Variants in ST6GAL1 observed in about 807,000 individuals in gnomAD.
ST6GAL1 encodes the protein ST6 beta-galactoside alpha-2,6-sialyltransferase 1, also known as beta-galactoside alpha-2,6-sialyltransferase 1.
A neutral mutation model predicts 38.0 loss-of-function variants in ST6GAL1; 20 were observed. The ratio of observed to expected loss-of-function variants is 0.53; its 90% confidence interval spans 0.37 to 0.77. The LOEUF (loss-of-function observed/expected upper bound fraction) is 0.77, where lower values mean the gene tolerates loss of function less well. Among genes scored for constraint, ST6GAL1 ranks in the 30% least tolerant of loss-of-function variants. The pLI is 0.00. For synonymous variants in ST6GAL1, 196 were observed against 188.2 expected, an observed-to-expected ratio of 1.04 and a Z score of -0.34; for missense variants, 432 against 496.4, an observed-to-expected ratio of 0.87 and a Z score of 1.23.
chr3:186,986,958 G>T (rs56345352), intron 2 of ST6GAL1, among the ~76,000 whole-genome samples: 41,501 of 121,530 alleles, frequency 0.34, 6,262 homozygotes, highest in Middle Eastern at 0.49. Context: ...AGAACCAAAG[G>T]TTTTCTTTCT....
intron 2 of ST6GAL1, among the ~76,000 whole-genome samples, chr3:186,969,463 T>G (rs1456202033): frequency 2.6e-5 from 4 of 152,258 alleles, no homozygotes; most frequent in Non-Finnish European, 4.4e-5. Context: ...GTTTGCCACC[T>G]GGATGGCTCC....
intron 5 of ST6GAL1, among the ~76,000 whole-genome samples, chr3:187,053,012 T>G (rs1718568850): frequency 6.6e-6 from 1 of 152,254 alleles, no homozygotes; most frequent in African/African-American, 2.4e-5. Flanking sequence ...AGATGGTATC[T>G]CATTATGGTT....
chr3:187,075,647 C>G lies in ST6GAL1; in HGVS notation c.1065C>G (p.Tyr355Ter). Residue 355 changes from tyrosine to a stop codon, truncating the protein, a stop_gained, in exon 8 of 8, where the codon TAC (tyrosine) becomes TAG (stop). Coordinates refer to ENST00000169298, the MANE Select transcript of ST6GAL1 (RefSeq NM_173216.2). LOFTEE classifies it high-confidence loss of function. The surrounding 1 kb of genome is among the most constrained non-coding windows in gnomAD (Gnocchi z 4.1). Reference protein sequence around the residue: ...PSKRKTDVCYYYQKFFDSACT... With the variant: ...PSKRKTDVCY ...AGCGCAAGACTGACGTGTGCTACTA[C>G]TACCAGAAGTTCTTCGATAGTGCCT... 1 of 1,614,228 alleles carries G rather than the reference C, an allele frequency of 6.2e-7. No individual in the cohort carries two copies.
In ST6GAL1 at chr3:187,075,920, T is replaced by C. The variant is rs1719545937; in HGVS notation, c.*117T>C. On this transcript the variant is annotated 3_prime_UTR_variant, in exon 8 of 8. Coordinates refer to ENST00000169298, the MANE Select transcript of ST6GAL1 (RefSeq NM_173216.2). The surrounding 1 kb of genome is among the most constrained non-coding windows in gnomAD (Gnocchi z 4.1). ...GCCTGCTCCTTTTACTCTAGGGGCC[T>C]CTGTCAGCAAGACCATGGGGACTTC... 1 of 1,460,714 alleles carries C rather than the reference T, an allele frequency of 6.8e-7. No homozygotes were observed. The highest frequency in any genetic ancestry group is 1.4e-5 in the African/African-American group (1 of 71,140). 90.5% of individuals were successfully genotyped at this position (1,460,714 alleles called of 1,614,324 possible).
At chr3:186,955,051 A>T (rs546790735) in intron 1 of ST6GAL1, among the ~76,000 whole-genome samples, 2 of 152,282 alleles carry the variant, frequency 1.3e-5, no homozygotes, top group East Asian at 3.9e-4. Context: ...CTGTGTATGG[A>T]TAGCCAATTT....
chr3:186,936,671 C>T (rs13064443), intron 1 of ST6GAL1, among the ~76,000 whole-genome samples: 33,455 of 152,020 alleles, frequency 0.22, 4,237 homozygotes, highest in African/African-American at 0.35. Flanking sequence ...CTGGGCACAG[C>T]GGCTCATGCC....
chr3:187,009,833 G>A lies in ST6GAL1; in HGVS notation c.-182-28909G>A, dbSNP rs528775019. Among the ~76,000 whole-genome samples the A allele has an allele frequency of 1.2e-4, 18 of 151,962 alleles. No individual in the cohort carries two copies. The East Asian group carries it at 2.7e-3, about 23-fold the overall frequency. On this transcript the variant is annotated intron_variant, in intron 2 of 7. Coordinates refer to ENST00000169298, the MANE Select transcript of ST6GAL1 (RefSeq NM_173216.2). The stretch of plus-strand genomic sequence containing the variant: ...ACCCTGGCCAAGATGCTGAAACCCC[G>A]TCTCTACTAAAAAATACAATAATTA...
intron 4 of ST6GAL1, among the ~76,000 whole-genome samples, chr3:187,049,956 G>GTT (rs1259585948): frequency 6.6e-6 from 1 of 152,210 alleles, no homozygotes; most frequent in East Asian, 1.9e-4. Flanking sequence ...GATGATAACA[G>GTT]TTTGGACTGT....
intron 2 of ST6GAL1, among the ~76,000 whole-genome samples, chr3:186,987,310 A>C (rs894556633): frequency 2.0e-5 from 3 of 152,172 alleles, no homozygotes; most frequent in Admixed American, 6.5e-5. Context: ...TGTCCCTGGA[A>C]CTACGCTAGG....
chr3:187,067,181 G>T (rs1440407855), intron 5 of ST6GAL1, among the ~76,000 whole-genome samples: 1 of 147,000 alleles, frequency 6.8e-6, no homozygotes, highest in African/African-American at 2.5e-5. Flanking sequence ...CTGCCTCCGG[G>T]GTTCAAGCGA....
chr3:187,029,781 C>T (rs1480728091), intron 2 of ST6GAL1, among the ~76,000 whole-genome samples: 1 of 152,078 alleles, frequency 6.6e-6, no homozygotes, highest in African/African-American at 2.4e-5. Context: ...CATGTGTGAT[C>T]AAAGAGGGCA....
chr3:186,997,195 T>C (rs572851099), intron 2 of ST6GAL1, among the ~76,000 whole-genome samples: 1 of 152,278 alleles, frequency 6.6e-6, no homozygotes, highest in African/African-American at 2.4e-5. Context: ...GTTACGCTAC[T>C]TCCTCCTGAC....
intron 1 of ST6GAL1, among the ~76,000 whole-genome samples, chr3:186,943,766 G>C (rs76334097): frequency 0.024 from 3,719 of 152,332 alleles, 73 homozygotes; most frequent in Middle Eastern, 0.048. Flanking sequence ...CAGATTAATA[G>C]GCGAGGAAAC....
chr3:187,066,254 A>G (rs1048353476), intron 5 of ST6GAL1, among the ~76,000 whole-genome samples: 1 of 152,136 alleles, frequency 6.6e-6, no homozygotes, highest in Non-Finnish European at 1.5e-5. Context: ...GCCAGCAGAC[A>G]CAGTCTCAGT....
At chr3:186,932,312 G>A (rs1223017661) in intron 1 of ST6GAL1, among the ~76,000 whole-genome samples, 1 of 152,104 alleles carries the variant, frequency 6.6e-6, no homozygotes, top group African/African-American at 2.4e-5. Context: ...ACTTGAGTGT[G>A]GGTCTCCCAA....
chr3:187,056,037 A>G (rs1043162209), intron 5 of ST6GAL1, among the ~76,000 whole-genome samples: 2 of 152,130 alleles, frequency 1.3e-5, no homozygotes, highest in South Asian at 2.1e-4. Context: ...TTCTTGTTCA[A>G]TCGATCCCTT....
intron 2 of ST6GAL1, among the ~76,000 whole-genome samples, chr3:187,027,383 T>C (rs561898712): frequency 6.6e-6 from 1 of 152,290 alleles, no homozygotes; most frequent in South Asian, 2.1e-4. Context: ...AAATGCAGAT[T>C]TCCAACTTCC....
intron 1 of ST6GAL1, among the ~76,000 whole-genome samples, chr3:186,937,610 A>C (rs879719774): frequency 2.0e-5 from 3 of 151,162 alleles, no homozygotes; most frequent in Non-Finnish European, 4.4e-5. Context: ...AGAAGCTCAT[A>C]GTTCAAAGGA....
chr3:186,990,623 T>G (rs1279497028), intron 2 of ST6GAL1, among the ~76,000 whole-genome samples: 17 of 151,576 alleles, frequency 1.1e-4, no homozygotes, highest in Non-Finnish European at 8.8e-5. Flanking sequence ...CCCTCCCTCT[T>G]AGACCAATCC....
Sources: gnomAD v4.1 joint callset for allele counts (sites outside exome capture counted in the v4.1 genomes callset) on GRCh38, gnomAD v4.1.1 for gene constraint, Gnocchi (gnomAD v3.1) non-coding constraint, MANE v1.5 for transcripts, NCBI Gene and HGNC (gene_info 2026-07-23, HGNC 2026-07-21) for gene names.